The following TINAG variants were observed in gnomAD, a reference collection of about 807,000 sequenced individuals.
TINAG encodes tubulointerstitial nephritis antigen.
A neutral mutation model predicts 72.7 loss-of-function variants in TINAG; 83 were observed. That is an observed-to-expected ratio of 1.14 (90% CI 0.96 to 1.37). TINAG has a LOEUF of 1.37. Ranked by LOEUF, TINAG falls within the 40% of genes most tolerant of loss-of-function variation. The pLI is 0.00. For missense variants in TINAG, 685 were observed against 576.6 expected, an observed-to-expected ratio of 1.19 and a Z score of -1.93; for synonymous variants, 234 against 189.9, an observed-to-expected ratio of 1.23 and a Z score of -1.91.
At chr6:54,343,056 A>G (rs756239398) in intron 4 of TINAG, among the ~76,000 whole-genome samples, 170 bp from the exon 5 acceptor site, 14 of 152,316 alleles carry the variant, frequency 9.2e-5, no homozygotes, top group Non-Finnish European at 1.8e-4. Flanking sequence ...TTGAATTGTC[A>G]TTTTTAACCA....
At chr6:54,313,853 A>T (rs3798278) in intron 1 of TINAG, among the ~76,000 whole-genome samples, 1 of 151,974 alleles carries the variant, frequency 6.6e-6, no homozygotes, top group Non-Finnish European at 1.5e-5. Flanking sequence ...TCAAAGTATT[A>T]TTGTTTATAG....
chr6:54,336,074 C>T (rs1226368417), intron 4 of TINAG, among the ~76,000 whole-genome samples: 2 of 152,024 alleles, frequency 1.3e-5, no homozygotes, highest in African/African-American at 4.8e-5. Flanking sequence ...ATTCCTTTAG[C>T]TTAAGTCATT....
intron 3 of TINAG, among the ~76,000 whole-genome samples, chr6:54,323,185 A>G (rs1018363772): frequency 9.2e-5 from 14 of 152,254 alleles, no homozygotes; most frequent in African/African-American, 3.1e-4. Context: ...AGTAGCAAAT[A>G]TTAAAACATC....
At chr6:54,383,597 T>C (rs1192888260) in intron 10 of TINAG, among the ~76,000 whole-genome samples, 1 of 152,048 alleles carries the variant, frequency 6.6e-6, no homozygotes, top group South Asian at 2.1e-4. Flanking sequence ...TATGGTTTGT[T>C]TGAGTTAAAT....
intron 9 of TINAG, among the ~76,000 whole-genome samples, chr6:54,361,195 C>T (rs1044387740): frequency 9.3e-5 from 14 of 151,330 alleles, no homozygotes; most frequent in African/African-American, 3.1e-4. Flanking sequence ...CCCTTAGACA[C>T]AACAATATTA....
intron 10 of TINAG, among the ~76,000 whole-genome samples, chr6:54,384,047 T>C (rs1410140865): frequency 6.6e-6 from 1 of 152,124 alleles, no homozygotes; most frequent in Admixed American, 6.5e-5. Context: ...GTTTATGTAC[T>C]TTGCAGGGAC....
intron 1 of TINAG, among the ~76,000 whole-genome samples, chr6:54,312,932 T>C (rs1334389746): frequency 6.6e-6 from 1 of 152,090 alleles, no homozygotes. Context: ...TCTGCCGGGG[T>C]CAGTATGTCT....
chr6:54,381,780 A>T (rs1432459080), intron 10 of TINAG, among the ~76,000 whole-genome samples: 1 of 152,134 alleles, frequency 6.6e-6, no homozygotes, highest in African/African-American at 2.4e-5. Context: ...TATTAAATAA[A>T]TTTGAACAGT....
chr6:54,326,974 T>G, intron 4 of TINAG, 58 bp downstream of exon 4: 1 of 1,606,750 alleles, frequency 6.2e-7, no homozygotes. Flanking sequence ...TGTTTGTGTG[T>G]GCATTAAAAG....
chr6:54,362,668 C>T (rs1763275205), intron 9 of TINAG, among the ~76,000 whole-genome samples: 1 of 151,534 alleles, frequency 6.6e-6, no homozygotes, highest in African/African-American at 2.4e-5. Context: ...TCTCATAAGG[C>T]TATACCTGCC....
chr6:54,324,011 G>T (rs1382302036), intron 3 of TINAG, among the ~76,000 whole-genome samples: 1 of 152,092 alleles, frequency 6.6e-6, no homozygotes, highest in Non-Finnish European at 1.5e-5. Context: ...TCTAGTTGAG[G>T]AGCCAACACT....
chr6:54,353,702 TA>T (rs1476924049), intron 8 of TINAG, among the ~76,000 whole-genome samples: 1 of 151,816 alleles, frequency 6.6e-6, no homozygotes, highest in Non-Finnish European at 1.5e-5. Context: ...TAAGCTTTTT[TA>T]AAGGATCTGT....
intron 4 of TINAG, among the ~76,000 whole-genome samples, chr6:54,342,062 G>GGTGTGTGT (rs142069767): frequency 0.14 from 20,863 of 147,560 alleles, 1,572 homozygotes; most frequent in Non-Finnish European, 0.18. Flanking sequence ...AAATGATTGG[G>GGTGTGTGT]GTGTGTGTGT....
At chr6:54,360,259 A>G (rs915678444) in intron 9 of TINAG, among the ~76,000 whole-genome samples, 3 of 151,476 alleles carry the variant, frequency 2.0e-5, no homozygotes, top group Admixed American at 2.0e-4. Context: ...CCTTTCAATA[A>G]CTCTGTCATC....
chr6:54,335,035 C>T (rs926548611), intron 4 of TINAG, among the ~76,000 whole-genome samples: 1 of 152,012 alleles, frequency 6.6e-6, no homozygotes, highest in Non-Finnish European at 1.5e-5. Context: ...GAGGACAGAC[C>T]TTTATAAGGT....
intron 4 of TINAG, among the ~76,000 whole-genome samples, chr6:54,339,777 C>A (rs562942876): frequency 1.8e-4 from 27 of 152,274 alleles, no homozygotes; most frequent in African/African-American, 6.5e-4. Context: ...TCCAAAATTT[C>A]TTGGTATTCA....
chr6:54,366,254 ATGTG>A (rs57637287), intron 9 of TINAG, among the ~76,000 whole-genome samples: 96 of 148,004 alleles, frequency 6.5e-4, no homozygotes, highest in South Asian at 2.4e-3. Context: ...ACGTACGTGT[ATGTG>A]TGTGTGTGTG....
Position 54,326,852 on chromosome 6 carries a change from GT to G in TINAG, c.564del (p.Phe188LeufsTer15), listed in dbSNP as rs1336975370. The G allele has an allele frequency of 6.2e-7, 1 of 1,613,210 alleles. No homozygotes were observed. The highest frequency in any genetic ancestry group is 1.1e-5 in the South Asian group (1 of 90,674). On this transcript the variant is annotated frameshift_variant, in exon 4 of 11. Coordinates refer to ENST00000259782, the MANE Select transcript of TINAG (RefSeq NM_014464.4). LOFTEE classifies it high-confidence loss of function. ...SQFWGMTLED[G>X]FKFRLGTLPP... ...TTTTGGGGAATGACTTTAGAAGATG[GT>G]TTTAAATTTCGCCTTGGCACTTTGC...
In TINAG at chr6:54,367,358, G is replaced by A. The variant is rs1180183359; in HGVS notation, c.1250+12722G>A. ...GCTGAATAACATTTAAAAAGTAAAAGGAATGTTTTCCTGATGCACTTTGGC... is the reference window on the plus strand; with the variant it reads ...GCTGAATAACATTTAAAAAGTAAAAAGAATGTTTTCCTGATGCACTTTGGC... On this transcript the variant is annotated intron_variant, in intron 9 of 10. Coordinates refer to ENST00000259782, the MANE Select transcript of TINAG (RefSeq NM_014464.4). Among the ~76,000 whole-genome samples the A allele has an allele frequency of 2.0e-5, 3 of 151,724 alleles. No homozygotes were observed. The East Asian group carries it at 5.8e-4, about 29-fold the overall frequency.
Sources: allele counts gnomAD v4.1 joint callset (sites outside exome capture counted in the v4.1 genomes callset), GRCh38; gene constraint gnomAD v4.1.1; transcripts MANE v1.5; gene names NCBI Gene and HGNC (gene_info 2026-07-23, HGNC 2026-07-21).